The following BLTP3B variants were observed in gnomAD, a reference collection of about 807,000 sequenced individuals.
BLTP3B encodes bridge-like lipid transfer protein family member 3B, also known as UHRF1 (ICBP90) binding protein 1-like.
At chr12:100,051,090 G>C in the BLTP3B span, 1 of 1,613,626 alleles carries the variant, frequency 6.2e-7, no homozygotes, top group Non-Finnish European at 8.5e-7. Flanking sequence ...AGGTCATCAT[G>C]ATTTTCCTGA....
chr12:100,099,106 C>T, the BLTP3B span, among the ~76,000 whole-genome samples: 2 of 151,638 alleles, frequency 1.3e-5, 1 homozygote, highest in South Asian at 4.2e-4. Flanking sequence ...AATTCTTCTG[C>T]CTCAGCCTCC....
the BLTP3B span, among the ~76,000 whole-genome samples, chr12:100,109,690 C>T: frequency 6.6e-6 from 1 of 151,412 alleles, no homozygotes; most frequent in Non-Finnish European, 1.5e-5. Flanking sequence ...CGCTTCAGTC[C>T]AGGAGGTGGA....
chr12:100,140,846 T>A, the BLTP3B span, among the ~76,000 whole-genome samples: 1 of 150,124 alleles, frequency 6.7e-6, no homozygotes, highest in Admixed American at 6.6e-5. Flanking sequence ...TTGTTCTTAA[T>A]TTTTTTTATT....
the BLTP3B span, among the ~76,000 whole-genome samples, chr12:100,055,291 G>A: frequency 6.6e-6 from 1 of 152,162 alleles, no homozygotes; most frequent in Non-Finnish European, 1.5e-5. Flanking sequence ...CCTTTAAAAT[G>A]AAGATAACAG....
the BLTP3B span, among the ~76,000 whole-genome samples, chr12:100,066,511 C>T: frequency 2.4e-4 from 36 of 151,850 alleles, no homozygotes; most frequent in Admixed American, 2.0e-4. Flanking sequence ...AACTATACTC[C>T]GGCCGGGCGT....
chr12:100,055,727 G>A, the BLTP3B span, among the ~76,000 whole-genome samples: 15 of 150,288 alleles, frequency 1.0e-4, no homozygotes, highest in African/African-American at 2.0e-4. Context: ...CCAGTTCTGC[G>A]TACAATAATG....
chr12:100,051,291 T>C, the BLTP3B span: 20 of 1,404,022 alleles, frequency 1.4e-5, no homozygotes, highest in Non-Finnish European at 1.9e-5. Context: ...TGTATGCTTA[T>C]TTAACAAAAA....
chr12:100,105,725 A>G, the BLTP3B span, among the ~76,000 whole-genome samples: 11 of 152,172 alleles, frequency 7.2e-5, 1 homozygote, highest in Non-Finnish European at 1.5e-4. Context: ...AAAAGAAATA[A>G]TCATCTGAGT....
chr12:100,050,649 C>T, the BLTP3B span, among the ~76,000 whole-genome samples: 1 of 151,808 alleles, frequency 6.6e-6, no homozygotes, highest in South Asian at 2.1e-4. Context: ...CCCATATCTA[C>T]AAAAAAATTT....
At chr12:100,057,565 CTT>C in the BLTP3B span, 5 of 1,602,018 alleles carry the variant, frequency 3.1e-6, no homozygotes, top group Non-Finnish European at 4.3e-6. Context: ...CGTATCATAA[CTT>C]TACCTTTTTC....
At chr12:100,058,910 TGAA>T in the BLTP3B span, 6 of 1,613,866 alleles carry the variant, frequency 3.7e-6, no homozygotes, top group African/African-American at 1.3e-5. Context: ...ATGTATCTGA[TGAA>T]GAAGGCTTCT....
At chr12:100,140,729 A>AAAAAAAAAAAAAAAATATAT in the BLTP3B span, among the ~76,000 whole-genome samples, 1 of 61,506 alleles carries the variant, frequency 1.6e-5, no homozygotes, top group Non-Finnish European at 2.6e-5. Context: ...AAAAAAAAAA[A>AAAAAAAAAAAAAAAATATAT]ATATATATAT....
chr12:100,131,497 G>A, the BLTP3B span, among the ~76,000 whole-genome samples: 1 of 151,928 alleles, frequency 6.6e-6, no homozygotes, highest in African/African-American at 2.4e-5. Flanking sequence ...TAGTAAATAT[G>A]CATAAAGTTC....
the BLTP3B span, among the ~76,000 whole-genome samples, chr12:100,050,739 G>A: frequency 6.6e-6 from 1 of 152,004 alleles, no homozygotes; most frequent in African/African-American, 2.4e-5. Context: ...TTAAGCCCAG[G>A]AGTTCAAGGC....
chr12:100,065,690 T>C, the BLTP3B span, among the ~76,000 whole-genome samples: 1 of 152,164 alleles, frequency 6.6e-6, no homozygotes, highest in Non-Finnish European at 1.5e-5. Context: ...TGTTTTCTGT[T>C]GTTTAAGATG....
chr12:100,129,787 G>C, the BLTP3B span, among the ~76,000 whole-genome samples: 1 of 152,176 alleles, frequency 6.6e-6, no homozygotes, highest in Non-Finnish European at 1.5e-5. Flanking sequence ...GGAAAAAAAG[G>C]AGAAAACTGT....
chr12:100,059,472 A>G, the BLTP3B span: 2 of 1,612,786 alleles, frequency 1.2e-6, no homozygotes, highest in Non-Finnish European at 8.5e-7. Flanking sequence ...AGAACTCTGA[A>G]TAGAAATTGC....
At chr12:100,135,876 T>A in the BLTP3B span, among the ~76,000 whole-genome samples, 1 of 152,116 alleles carries the variant, frequency 6.6e-6, no homozygotes, top group Non-Finnish European at 1.5e-5. Flanking sequence ...AAGCAACTAG[T>A]ACATACAGTG....
At chr12:100,072,883 G>C in the BLTP3B span, 2 of 1,482,476 alleles carry the variant, frequency 1.3e-6, no homozygotes, top group Non-Finnish European at 1.8e-6. Context: ...ATGCAACCCA[G>C]ACAGTACTTT....
Sources: allele counts gnomAD v4.1 joint callset (sites outside exome capture counted in the v4.1 genomes callset), GRCh38; gene constraint gnomAD v4.1.1; transcripts MANE v1.5; gene names NCBI Gene and HGNC (gene_info 2026-07-23, HGNC 2026-07-21).